Variants in EIF2B3 observed in about 807,000 individuals in gnomAD.
EIF2B3 encodes translation initiation factor eIF2B subunit gamma.
EIF2B3 carries 20 observed loss-of-function variants against 54.1 expected under a neutral mutation model. That is an observed-to-expected ratio of 0.37 (90% CI 0.26 to 0.54). EIF2B3 has a LOEUF of 0.54. Ranked by LOEUF, EIF2B3 falls within the 20% of genes least tolerant of loss-of-function variation. The pLI is 0.86. For synonymous variants in EIF2B3, 153 were observed against 188.1 expected, an observed-to-expected ratio of 0.81 and a Z score of 1.52; for missense variants, 448 against 547.8, an observed-to-expected ratio of 0.82 and a Z score of 1.82.
At chr1:44,852,102 C>A (rs969260282) in intron 11 of EIF2B3, among the ~76,000 whole-genome samples, 13 of 151,730 alleles carry the variant, frequency 8.6e-5, no homozygotes, top group Admixed American at 7.2e-4. Context: ...GCATATGACG[C>A]CACACATGGC....
intron 8 of EIF2B3, among the ~76,000 whole-genome samples, chr1:44,879,203 C>G (rs1655300435): frequency 6.6e-6 from 1 of 152,134 alleles, no homozygotes; most frequent in Non-Finnish European, 1.5e-5. Flanking sequence ...TACTGTCCCC[C>G]TCTCCACCCC....
chr1:44,941,464 T>C lies in EIF2B3; in HGVS notation c.454+42A>G, dbSNP rs1157547598. On this transcript the variant is annotated intron_variant, in intron 4 of 11. Transcript: ENST00000360403. ...GGAAAGCATGAGTGAGAATAATAAT[T>C]ACGAAAACTCAACAAACAAAACAAA... 4 of 1,571,912 alleles carry C rather than the reference T, an allele frequency of 2.5e-6. No homozygotes were observed. The East Asian group carries it at 6.7e-5, about 26-fold the overall frequency.
chr1:44,906,893 G>C (rs1019702444), intron 5 of EIF2B3, among the ~76,000 whole-genome samples: 1 of 152,116 alleles, frequency 6.6e-6, no homozygotes, highest in African/African-American at 2.4e-5. Context: ...ACTTACTCCT[G>C]TTTACCTGGA....
At chr1:44,965,503 C>T (rs1179289434) in intron 3 of EIF2B3, among the ~76,000 whole-genome samples, 1 of 151,958 alleles carries the variant, frequency 6.6e-6, no homozygotes, top group Non-Finnish European at 1.5e-5. Flanking sequence ...ATTATAAAGA[C>T]TACTAATGCT....
chr1:44,960,199 G>A (rs1025756283), intron 3 of EIF2B3, among the ~76,000 whole-genome samples: 1 of 152,036 alleles, frequency 6.6e-6, no homozygotes, highest in African/African-American at 2.4e-5. Flanking sequence ...TTTTAAAGTT[G>A]ACTTTTTTGA....
chr1:44,951,267 T>C (rs534328155), intron 3 of EIF2B3, among the ~76,000 whole-genome samples: 4 of 152,312 alleles, frequency 2.6e-5, no homozygotes, highest in South Asian at 2.1e-4. Flanking sequence ...CCAGGCATTA[T>C]AGAGATACAG....
intron 5 of EIF2B3, among the ~76,000 whole-genome samples, chr1:44,922,534 C>A (rs1356187283): frequency 7.1e-6 from 1 of 141,224 alleles, no homozygotes; most frequent in Non-Finnish European, 1.5e-5. Context: ...TTGCAGTGAG[C>A]TGAGATCACA....
chr1:44,966,392 T>C (rs1161108093), intron 3 of EIF2B3, among the ~76,000 whole-genome samples: 6 of 148,796 alleles, frequency 4.0e-5, no homozygotes, highest in Non-Finnish European at 1.5e-5. Flanking sequence ...TGAGCCGAGA[T>C]TATGCCACTG....
At chr1:44,895,352 A>C (rs931563790) in intron 6 of EIF2B3, among the ~76,000 whole-genome samples, 6 of 152,212 alleles carry the variant, frequency 3.9e-5, no homozygotes, top group Admixed American at 3.9e-4. Flanking sequence ...AATGAACTAC[A>C]AATAAGCTAT....
chr1:44,945,205 T>G (rs1349886232), intron 3 of EIF2B3, among the ~76,000 whole-genome samples: 5 of 151,940 alleles, frequency 3.3e-5, no homozygotes, highest in African/African-American at 4.8e-5. Context: ...TGTTTCCTAC[T>G]CTTCTGCTTA....
intron 10 of EIF2B3, among the ~76,000 whole-genome samples, chr1:44,872,705 G>C (rs1338202859): frequency 6.6e-6 from 1 of 151,812 alleles, no homozygotes; most frequent in African/African-American, 2.4e-5. Context: ...AGCTCAGGTG[G>C]CTCTACTCAT....
At chr1:44,893,296 C>T (rs1328976095) in intron 6 of EIF2B3, among the ~76,000 whole-genome samples, 3 of 152,150 alleles carry the variant, frequency 2.0e-5, no homozygotes, top group Non-Finnish European at 4.4e-5. Flanking sequence ...GGCTGCCTAT[C>T]CCCAACTCTT....
chr1:44,947,777 C>T (rs778384265), intron 3 of EIF2B3, among the ~76,000 whole-genome samples: 1 of 152,208 alleles, frequency 6.6e-6, no homozygotes, highest in Non-Finnish European at 1.5e-5. Context: ...CTCATGAATT[C>T]AGCTACTTGG....
chr1:44,861,932 T>C (rs1015800677), intron 10 of EIF2B3, among the ~76,000 whole-genome samples: 1 of 152,166 alleles, frequency 6.6e-6, no homozygotes, highest in Non-Finnish European at 1.5e-5. Flanking sequence ...CTGAGGTACT[T>C]TGGAAAAATT....
At chr1:44,925,450 T>C (rs1457948595) in intron 5 of EIF2B3, among the ~76,000 whole-genome samples, 1 of 152,100 alleles carries the variant, frequency 6.6e-6, no homozygotes, top group African/African-American at 2.4e-5. Context: ...ACCAATATTG[T>C]ATGATTTCAC....
At chr1:44,871,160 T>C (rs943453661) in intron 10 of EIF2B3, among the ~76,000 whole-genome samples, 1 of 152,242 alleles carries the variant, frequency 6.6e-6, no homozygotes, top group African/African-American at 2.4e-5. Context: ...GAAATCTCAT[T>C]GCTCAAGCAA....
intron 10 of EIF2B3, among the ~76,000 whole-genome samples, chr1:44,871,580 A>G (rs1654967048): frequency 6.6e-6 from 1 of 152,234 alleles, no homozygotes; most frequent in Non-Finnish European, 1.5e-5. Flanking sequence ...ATTCTTTCAT[A>G]TAACAAATAT....
intron 3 of EIF2B3, among the ~76,000 whole-genome samples, chr1:44,952,713 C>T (rs989119105): frequency 1.3e-5 from 2 of 151,618 alleles, no homozygotes; most frequent in South Asian, 2.1e-4. Flanking sequence ...CCACCACGCC[C>T]GGCTAATTTT....
intron 3 of EIF2B3, among the ~76,000 whole-genome samples, chr1:44,970,630 G>A (rs1045777868): frequency 5.9e-5 from 9 of 152,170 alleles, no homozygotes; most frequent in African/African-American, 1.9e-4. Flanking sequence ...AGAGATAACC[G>A]ACATCCCTTA....
Sources: gnomAD v4.1 joint callset for allele counts (sites outside exome capture counted in the v4.1 genomes callset) on GRCh38, gnomAD v4.1.1 for gene constraint, MANE v1.5 for transcripts, NCBI Gene and HGNC (gene_info 2026-07-23, HGNC 2026-07-21) for gene names.